NTM: variants seen among roughly 807,000 people sequenced by gnomAD.
NTM encodes the protein neurotrimin.
A neutral mutation model predicts 42.1 loss-of-function variants in NTM; 13 were observed. The observed-to-expected ratio is 0.31, with a 90% CI of 0.20 to 0.49. NTM has a LOEUF of 0.49. Among genes scored for constraint, NTM ranks in the 20% least tolerant of loss-of-function variants. The pLI, the probability that NTM is intolerant of heterozygous loss-of-function variation, is 0.99. For synonymous variants in NTM, 187 were observed against 179.2 expected, an observed-to-expected ratio of 1.04 and a Z score of -0.35; for missense variants, 373 against 452.8, an observed-to-expected ratio of 0.82 and a Z score of 1.60.
At chr11:131,870,264 T>A (rs1280954531) in intron 1 of NTM, among the ~76,000 whole-genome samples, 1 of 152,268 alleles carries the variant, frequency 6.6e-6, no homozygotes, top group Non-Finnish European at 1.5e-5. Flanking sequence ...TTTACTTACA[T>A]GATCTTGGGA....
chr11:132,091,367 C>T (rs1051838946), intron 2 of NTM, among the ~76,000 whole-genome samples: 3 of 151,804 alleles, frequency 2.0e-5, no homozygotes, highest in Admixed American at 6.6e-5. Flanking sequence ...AAGATCGTGC[C>T]ACCACACTCC....
Position 132,321,039 on chromosome 11 carries a change from C to A in NTM, c.934+6336C>A, listed in dbSNP as rs1394927282. Reference sequence around the variant, plus strand: ...AAACCCATCTGTACATCACCATCATCAAAGACCAAAAGTAGATAAAACCAC... The same window carrying A: ...AAACCCATCTGTACATCACCATCATAAAAGACCAAAAGTAGATAAAACCAC... On this transcript the variant is annotated intron_variant, in intron 7 of 8. Transcript: ENST00000683400. 1.5e-4 allele frequency among the ~76,000 whole-genome samples: 23 copies of A among 151,460 alleles called. No individual in the cohort carries two copies. In the East Asian group the frequency reaches 4.3e-3, roughly 28 times the overall value.
At chr11:132,317,792 C>T (rs141391477) in intron 7 of NTM, 2 of 621,076 alleles carry the variant, frequency 3.2e-6, no homozygotes, top group Admixed American at 2.6e-5. Context: ...TGTAAAGTGT[C>T]TTAGAGGATG....
At chr11:131,644,536 T>A in intron 1 of NTM, among the ~76,000 whole-genome samples, 1 of 152,182 alleles carries the variant, frequency 6.6e-6, no homozygotes, top group East Asian at 1.9e-4. Flanking sequence ...CCCAAATTCA[T>A]TACTCGCCAC....
At chr11:132,304,997 T>C (rs1231293038) in intron 4 of NTM, among the ~76,000 whole-genome samples, 1 of 152,210 alleles carries the variant, frequency 6.6e-6, no homozygotes, top group Non-Finnish European at 1.5e-5. Flanking sequence ...CCCAACGTCC[T>C]TTCCTACACA....
intron 1 of NTM, among the ~76,000 whole-genome samples, chr11:131,625,298 G>A (rs972910039): frequency 1.3e-5 from 2 of 152,120 alleles, no homozygotes; most frequent in African/African-American, 4.8e-5. Context: ...CCCCCATGAT[G>A]GTCTTTATGG....
chr11:131,873,542 ATATATACATATATATATACCG>A (rs2048029319), intron 1 of NTM, among the ~76,000 whole-genome samples: 5 of 50,652 alleles, frequency 9.9e-5, no homozygotes, highest in East Asian at 1.5e-3. Flanking sequence ...GTGTGTGTAT[ATATATACATATATATATACCG>A]TATATATATA....
intron 1 of NTM, among the ~76,000 whole-genome samples, chr11:131,752,922 G>A (rs1352846061): frequency 4.6e-5 from 7 of 152,094 alleles, no homozygotes; most frequent in Non-Finnish European, 1.0e-4. Context: ...CTTCTGCACA[G>A]CAAAAGAAAC....
intron 1 of NTM, among the ~76,000 whole-genome samples, chr11:131,499,063 G>A (rs992905621): frequency 6.6e-6 from 1 of 152,086 alleles, no homozygotes; most frequent in East Asian, 1.9e-4. Context: ...GTCCAGTCGC[G>A]TTAAACAATA....
intron 1 of NTM, among the ~76,000 whole-genome samples, chr11:131,503,153 C>A (rs975810078): frequency 6.6e-6 from 1 of 152,268 alleles, no homozygotes; most frequent in African/African-American, 2.4e-5. Flanking sequence ...CCCACAGGAA[C>A]TCTCCAGTAA....
chr11:131,671,814 G>A (rs1018583049), intron 1 of NTM, among the ~76,000 whole-genome samples: 1 of 152,194 alleles, frequency 6.6e-6, no homozygotes, highest in African/African-American at 2.4e-5. Context: ...GGACGCTGGT[G>A]GAGGCAATGA....
intron 1 of NTM, among the ~76,000 whole-genome samples, chr11:131,673,708 G>T (rs1033342547): frequency 6.6e-6 from 1 of 152,158 alleles, no homozygotes; most frequent in African/African-American, 2.4e-5. Context: ...ACCTTGGGGG[G>T]CCCAGGTGAC....
At chr11:132,136,193 T>C (rs1357092168) in intron 2 of NTM, among the ~76,000 whole-genome samples, 1 of 152,130 alleles carries the variant, frequency 6.6e-6, no homozygotes, top group Non-Finnish European at 1.5e-5. Context: ...TGCTCTCCTG[T>C]CCCACCTGTG....
At chr11:131,779,392 TACA>T (rs1347872229) in intron 1 of NTM, among the ~76,000 whole-genome samples, 1 of 152,180 alleles carries the variant, frequency 6.6e-6, no homozygotes, top group Non-Finnish European at 1.5e-5. Flanking sequence ...TATAACTATA[TACA>T]ACATTTCCAA....
chr11:131,570,327 C>T (rs571405391), intron 1 of NTM, among the ~76,000 whole-genome samples: 24 of 152,304 alleles, frequency 1.6e-4, no homozygotes, highest in African/African-American at 4.1e-4. Flanking sequence ...TAATACTCCT[C>T]GGCCGCGTTC....
chr11:131,762,665 T>A (rs2084402253), intron 1 of NTM, among the ~76,000 whole-genome samples: 1 of 152,176 alleles, frequency 6.6e-6, no homozygotes, highest in Non-Finnish European at 1.5e-5. Context: ...GGTTTGCCTG[T>A]CAAGTTGAGC....
At chr11:131,964,872 G>C (rs926101629) in intron 2 of NTM, among the ~76,000 whole-genome samples, 1 of 152,170 alleles carries the variant, frequency 6.6e-6, no homozygotes, top group Non-Finnish European at 1.5e-5. Flanking sequence ...GGAGAGTTTA[G>C]GTTTTGTGGT....
intron 4 of NTM, among the ~76,000 whole-genome samples, chr11:132,219,848 C>T (rs1424869143): frequency 7.2e-5 from 11 of 152,024 alleles, no homozygotes; most frequent in Admixed American, 2.6e-4. Flanking sequence ...GAGAAAAGAA[C>T]GGAAGGGAAG....
At chr11:131,501,874 TGTGA>T (rs2046877743) in intron 1 of NTM, among the ~76,000 whole-genome samples, 1 of 145,770 alleles carries the variant, frequency 6.9e-6, no homozygotes, top group Non-Finnish European at 1.5e-5. Context: ...TGTATGTGTG[TGTGA>T]GTGTGTGTGT....
Sources: allele counts gnomAD v4.1 joint callset (sites outside exome capture counted in the v4.1 genomes callset), GRCh38; gene constraint gnomAD v4.1.1; transcripts MANE v1.5; gene names NCBI Gene and HGNC (gene_info 2026-07-23, HGNC 2026-07-21).